The following LEKR1 variants were observed in gnomAD, a reference collection of about 807,000 sequenced individuals.
The protein encoded by LEKR1 is protein LEKR1.
LEKR1 carries 59 observed loss-of-function variants against 72.4 expected under a neutral mutation model. The observed-to-expected ratio is 0.82, with a 90% CI of 0.66 to 1.01. The LOEUF is 1.01. Among genes scored for constraint, LEKR1 ranks in the 50% least tolerant of loss-of-function variants. The pLI, the probability that LEKR1 is intolerant of heterozygous loss-of-function variation, is 0.00. For missense variants in LEKR1, 728 were observed against 759.2 expected, an observed-to-expected ratio of 0.96 and a Z score of 0.48; for synonymous variants, 257 against 263.2, an observed-to-expected ratio of 0.98 and a Z score of 0.23.
At chr3:156,970,160 A>G (rs938947729) in intron 6 of LEKR1, among the ~76,000 whole-genome samples, 4 of 152,226 alleles carry the variant, frequency 2.6e-5, no homozygotes, top group Non-Finnish European at 2.9e-5. Flanking sequence ...CCCACAGCCA[A>G]TATCATGCTG....
chr3:156,988,351 T>C, intron 7 of LEKR1: 1 of 225,636 alleles, frequency 4.4e-6, no homozygotes, highest in East Asian at 1.1e-4. Flanking sequence ...CTGGGTCAGC[T>C]GATTAATCTG....
chr3:156,993,359 C>T (rs1271421091), intron 9 of LEKR1, 82 bp downstream of exon 9: 1 of 828,338 alleles, frequency 1.2e-6, no homozygotes, highest in Non-Finnish European at 1.9e-6. Context: ...CAGTGTCTGA[C>T]ATATTATAAC....
intron 2 of LEKR1, among the ~76,000 whole-genome samples, chr3:156,836,260 G>A (rs1203058287): frequency 1.3e-5 from 2 of 152,124 alleles, no homozygotes; most frequent in South Asian, 4.1e-4. Context: ...TTTTGAGAAG[G>A]ATTTGTTTAC....
chr3:157,016,737 C>T (rs1733373767), intron 10 of LEKR1, among the ~76,000 whole-genome samples: 1 of 151,854 alleles, frequency 6.6e-6, no homozygotes, highest in Admixed American at 6.6e-5. Context: ...ATATTTATAA[C>T]ATAGAAGCAA....
intron 3 of LEKR1, among the ~76,000 whole-genome samples, chr3:156,918,766 GA>G (rs1322087631): frequency 2.0e-5 from 3 of 152,038 alleles, no homozygotes; most frequent in African/African-American, 7.2e-5. Flanking sequence ...GGAGAAACAG[GA>G]AAAAAACATT....
At chr3:156,883,016 G>GTT (rs1719625206) in intron 3 of LEKR1, among the ~76,000 whole-genome samples, 1 of 151,850 alleles carries the variant, frequency 6.6e-6, no homozygotes, top group African/African-American at 2.4e-5. Flanking sequence ...TTGGGGGGAG[G>GTT]GGGGAGAGAT....
intron 2 of LEKR1, among the ~76,000 whole-genome samples, chr3:156,836,438 T>C (rs1472865214): frequency 6.6e-6 from 1 of 151,784 alleles, no homozygotes; most frequent in Non-Finnish European, 1.5e-5. Context: ...AAAAACAAGA[T>C]CCAAGAAGAG....
intron 2 of LEKR1, among the ~76,000 whole-genome samples, chr3:156,840,542 T>A (rs932295828): frequency 5.3e-5 from 8 of 152,238 alleles, no homozygotes; most frequent in African/African-American, 1.7e-4. Flanking sequence ...TAGTTAACTC[T>A]TAATTAACAA....
At chr3:156,899,786 A>ATG (rs1035071636) in intron 3 of LEKR1, among the ~76,000 whole-genome samples, 18 of 96,398 alleles carry the variant, frequency 1.9e-4, no homozygotes, top group African/African-American at 5.8e-4. Flanking sequence ...ACATATATAC[A>ATG]CATATATACA....
At chr3:156,974,456 G>A (rs1014840142) in intron 6 of LEKR1, among the ~76,000 whole-genome samples, 4 of 151,990 alleles carry the variant, frequency 2.6e-5, no homozygotes, top group African/African-American at 4.8e-5. Flanking sequence ...TATTAAAAAC[G>A]AAACAAAACT....
intron 2 of LEKR1, among the ~76,000 whole-genome samples, chr3:156,840,304 A>G (rs1050675581): frequency 3.9e-5 from 6 of 152,170 alleles, no homozygotes; most frequent in Admixed American, 6.5e-5. Context: ...GGTCAACTAT[A>G]TATCAACTCA....
chr3:156,936,453 ACACACACACACACC>A lies in LEKR1; in HGVS notation c.560-6074_560-6061del, dbSNP rs1278404017. ...CACACACACACACACACACACACAC[ACACACACACACACC>A]CCCCGTATGCCTAGCAGAATAAGGA... On this transcript the variant is annotated intron_variant, in intron 5 of 12. Transcript: ENST00000356539. 4.2e-3 allele frequency among the ~76,000 whole-genome samples: 526 copies of A among 125,456 alleles called. 4 individuals are homozygous for A. The highest frequency in any genetic ancestry group is 0.011 in the African/African-American group (420 of 38,230). 82.3% of individuals were successfully genotyped at this position (125,456 alleles called of 152,430 possible). A position where few individuals can be genotyped will look rare whatever the true frequency, so the allele number is the denominator to read the frequency against.
chr3:157,019,165 C>A (rs983762496), intron 10 of LEKR1, among the ~76,000 whole-genome samples: 1 of 151,790 alleles, frequency 6.6e-6, no homozygotes, highest in Non-Finnish European at 1.5e-5. Context: ...TATTTGATTC[C>A]TACTTTGGCA....
At chr3:156,944,795 C>G (rs1475712287) in intron 6 of LEKR1, among the ~76,000 whole-genome samples, 1 of 151,674 alleles carries the variant, frequency 6.6e-6, no homozygotes, top group Non-Finnish European at 1.5e-5. Context: ...ATATTTACCC[C>G]ATTTTCTTTA....
chr3:156,993,390 A>G (rs1374998883), intron 9 of LEKR1, 113 bp downstream of exon 9: 1 of 638,590 alleles, frequency 1.6e-6, no homozygotes, highest in East Asian at 2.8e-5. Flanking sequence ...TCACAGGACT[A>G]AAGATATATT....
intron 11 of LEKR1, among the ~76,000 whole-genome samples, chr3:157,025,463 T>A (rs1014738816): frequency 1.3e-5 from 2 of 152,182 alleles, no homozygotes; most frequent in African/African-American, 2.4e-5. Flanking sequence ...TGTATGTGTG[T>A]GTGTGTGTGT....
At chr3:156,846,803 A>G (rs1164406750) in intron 2 of LEKR1, among the ~76,000 whole-genome samples, 1 of 152,076 alleles carries the variant, frequency 6.6e-6, no homozygotes, top group Non-Finnish European at 1.5e-5. Context: ...AATTATATGT[A>G]TGTATGTATG....
At chr3:157,018,812 AAG>A (rs1346703776) in intron 10 of LEKR1, among the ~76,000 whole-genome samples, 10 of 152,220 alleles carry the variant, frequency 6.6e-5, no homozygotes, top group Non-Finnish European at 1.5e-4. Context: ...TAAGAATTAA[AAG>A]AGTTAATATA....
At chr3:156,924,788 A>G (rs1384929009) in intron 4 of LEKR1, 3 of 330,674 alleles carry the variant, frequency 9.1e-6, no homozygotes, top group African/African-American at 4.2e-5. Context: ...TGGATTTTCT[A>G]TTCTATTCCA....
Sources: allele counts gnomAD v4.1 joint callset (sites outside exome capture counted in the v4.1 genomes callset), GRCh38; gene constraint gnomAD v4.1.1; transcripts MANE v1.5; gene names NCBI Gene and HGNC (gene_info 2026-07-23, HGNC 2026-07-21).